TENM2: variants seen among roughly 807,000 people sequenced by gnomAD.
TENM2 encodes the protein teneurin transmembrane protein 2.
In TENM2, 52 loss-of-function variants were observed where a neutral mutation model predicts 245.2. The ratio of observed to expected loss-of-function variants is 0.21; its 90% CI spans 0.17 to 0.27. TENM2 has a LOEUF of 0.27. Among genes scored for constraint, TENM2 ranks in the 10% least tolerant of loss-of-function variants. The pLI is 1.00. For missense variants in TENM2, 3,046 were observed against 3,666.8 expected (o/e 0.83, Z 4.37); for synonymous variants, 1,363 against 1,438.9 (o/e 0.95, Z 1.19).
chr5:168,119,525 T>A, intron 10 of TENM2, among the ~76,000 whole-genome samples: 1 of 152,230 alleles, frequency 6.6e-6, no homozygotes, highest in East Asian at 1.9e-4. Flanking sequence ...CTGCTCTGTA[T>A]TTGGCCTTGC....
chr5:168,157,536 C>T (rs530119483), intron 12 of TENM2, among the ~76,000 whole-genome samples: 6 of 151,988 alleles, frequency 3.9e-5, no homozygotes, highest in Non-Finnish European at 7.4e-5. Context: ...GCACAGATTC[C>T]AAGATATTTA....
Position 167,632,640 on chromosome 5 carries a change from A to G in TENM2, c.503-243346A>G, listed in dbSNP as rs117877052. Reference sequence around the variant, plus strand: ...GACTTCATTTGGAGCACACCAGTATAGGTGACTGGTATACACACTAGGAAA... The same window carrying G: ...GACTTCATTTGGAGCACACCAGTATGGGTGACTGGTATACACACTAGGAAA... On this transcript the variant is annotated intron_variant, in intron 2 of 28. Coordinates refer to ENST00000518659, the Ensembl canonical transcript of TENM2. Among the ~76,000 whole-genome samples the G allele has an allele frequency of 2.8e-3, 430 of 152,314 alleles. 12 individuals are homozygous for G. In the East Asian group the frequency reaches 0.051, roughly 18 times the overall value.
chr5:167,350,732 T>TGGATATATATATATGGGATATATACATAC (rs1758817050), intron 1 of TENM2, among the ~76,000 whole-genome samples: 1 of 88,758 alleles, frequency 1.1e-5, no homozygotes, highest in Non-Finnish European at 2.4e-5. Context: ...TATATACATA[T>TGGATATATATATATGGGATATATACATAC]GGATATATAT....
chr5:168,077,622 CT>C (rs1457960154), intron 7 of TENM2, among the ~76,000 whole-genome samples: 3 of 152,178 alleles, frequency 2.0e-5, no homozygotes, highest in Non-Finnish European at 4.4e-5. Context: ...GTTCCCCACC[CT>C]GTGTCCAAGT....
chr5:167,816,945 C>T (rs553348196), intron 2 of TENM2, among the ~76,000 whole-genome samples: 1 of 152,212 alleles, frequency 6.6e-6, no homozygotes, highest in South Asian at 2.1e-4. Context: ...CTTAATGAAG[C>T]ACAATCATGA....
chr5:167,280,602 A>G (rs1284274487), upstream of TENM2, among the ~76,000 whole-genome samples: 1 of 151,960 alleles, frequency 6.6e-6, no homozygotes, highest in Non-Finnish European at 1.5e-5. Flanking sequence ...TAGGGTAGTC[A>G]TTGCTTCAAC....
chr5:167,986,886 C>A (rs1401444806), intron 4 of TENM2, among the ~76,000 whole-genome samples: 2 of 152,206 alleles, frequency 1.3e-5, no homozygotes, highest in East Asian at 1.9e-4. Flanking sequence ...CTGGCCAAAC[C>A]ATTACCTTGT....
At chr5:167,080,683 A>G in the TENM2 span, among the ~76,000 whole-genome samples, 1 of 152,156 alleles carries the variant, frequency 6.6e-6, no homozygotes, top group South Asian at 2.1e-4. Context: ...CAATTTGAAA[A>G]CAACCTAGAA....
the TENM2 span, among the ~76,000 whole-genome samples, chr5:167,273,009 C>A: frequency 1.3e-5 from 2 of 151,082 alleles, no homozygotes; most frequent in African/African-American, 4.9e-5. Flanking sequence ...TATACAATAG[C>A]ACACACACAC....
chr5:167,228,555 T>G, the TENM2 span, among the ~76,000 whole-genome samples: 1 of 152,008 alleles, frequency 6.6e-6, no homozygotes, highest in African/African-American at 2.4e-5. Context: ...AATTTTGAAT[T>G]TTTTTTGAGA....
intron 2 of TENM2, among the ~76,000 whole-genome samples, chr5:167,566,606 C>T (rs752576325): frequency 2.6e-5 from 4 of 152,146 alleles, no homozygotes; most frequent in African/African-American, 9.7e-5. Flanking sequence ...GCAGTGAATG[C>T]GTTTTTCTGA....
the TENM2 span, among the ~76,000 whole-genome samples, chr5:167,025,731 C>T: frequency 6.6e-6 from 1 of 152,134 alleles, no homozygotes; most frequent in Non-Finnish European, 1.5e-5. Flanking sequence ...TTGGTTAATG[C>T]CTGCCAGTTT....
chr5:167,303,916 G>T (rs1755510177), intron 1 of TENM2, among the ~76,000 whole-genome samples: 1 of 152,144 alleles, frequency 6.6e-6, no homozygotes, highest in African/African-American at 2.4e-5. Context: ...AGAGTTGCTA[G>T]ATCTCCCAGT....
chr5:167,743,190 T>C (rs1032617769), intron 2 of TENM2, among the ~76,000 whole-genome samples: 3 of 152,136 alleles, frequency 2.0e-5, no homozygotes, highest in Non-Finnish European at 4.4e-5. Flanking sequence ...AGTCCAATAG[T>C]TGTTGACTAA....
chr5:167,599,821 T>C (rs1383719957), intron 2 of TENM2, among the ~76,000 whole-genome samples: 1 of 152,090 alleles, frequency 6.6e-6, no homozygotes, highest in African/African-American at 2.4e-5. Flanking sequence ...TTGTGGAGTA[T>C]AAAAGCACAG....
intron 7 of TENM2, among the ~76,000 whole-genome samples, chr5:168,083,514 G>C (rs10042178): frequency 0.013 from 1,957 of 152,254 alleles, 40 homozygotes; most frequent in African/African-American, 0.045. Flanking sequence ...GAAATCACCC[G>C]TCTTCTGCAA....
the TENM2 span, among the ~76,000 whole-genome samples, chr5:167,183,294 C>A: frequency 6.6e-6 from 1 of 152,112 alleles, no homozygotes; most frequent in Non-Finnish European, 1.5e-5. Flanking sequence ...TTTAGGAAAT[C>A]ATCTTTCCTC....
At chr5:167,805,381 G>A (rs188737975) in intron 2 of TENM2, among the ~76,000 whole-genome samples, 4 of 152,248 alleles carry the variant, frequency 2.6e-5, no homozygotes, top group Admixed American at 6.5e-5. Flanking sequence ...AGGTTCAGAC[G>A]CCTGTGTTTT....
chr5:167,608,376 A>G (rs1777207887), intron 2 of TENM2, among the ~76,000 whole-genome samples: 3 of 152,160 alleles, frequency 2.0e-5, no homozygotes, highest in Admixed American at 2.0e-4. Context: ...AAGGAAAAAT[A>G]AGTTGTGAAA....
Sources: allele counts gnomAD v4.1 joint callset (sites outside exome capture counted in the v4.1 genomes callset), GRCh38; gene constraint gnomAD v4.1.1; transcripts MANE v1.5; gene names NCBI Gene and HGNC (gene_info 2026-07-23, HGNC 2026-07-21).